The following IQCH variants were observed in gnomAD, a reference collection of about 807,000 sequenced individuals.
IQCH encodes IQ domain-containing protein H.
IQCH carries 98 observed loss-of-function variants against 117.0 expected under a neutral mutation model. The observed-to-expected ratio is 0.84, with a 90% CI of 0.71 to 0.99. The LOEUF (loss-of-function observed/expected upper bound fraction) is 0.99. IQCH is among the 50% of genes least tolerant of loss of function. The probability of loss-of-function intolerance (pLI) is 0.00; values close to 1 mark genes in which losing one functional copy is unlikely to be tolerated. For synonymous variants in IQCH, 412 were observed against 448.2 expected (o/e 0.92, Z 1.02); for missense variants, 1,102 against 1,243.8 (o/e 0.89, Z 1.72).
chr15:67,478,652 A>G (rs1016825827), intron 18 of IQCH, among the ~76,000 whole-genome samples: 3 of 152,094 alleles, frequency 2.0e-5, no homozygotes, highest in African/African-American at 4.8e-5. Flanking sequence ...TAGGCTGGGC[A>G]CGGTGGCTCA....
At position 67,305,295 on chromosome 15, in the gene IQCH, A is replaced by G. The variant is rs1168956211; in HGVS notation, c.387+25783A>G. 2.0e-5 allele frequency among the ~76,000 whole-genome samples: 3 copies of G among 152,212 alleles called. No homozygotes were observed. In the East Asian group the frequency reaches 5.8e-4, roughly 29 times the overall value. Reference sequence around the variant, plus strand: ...AACTAGCATAATAGTCTCTTAGGTTAATCTTCCAAATTTCCTACACAGACA... The same window carrying G: ...AACTAGCATAATAGTCTCTTAGGTTGATCTTCCAAATTTCCTACACAGACA... On this transcript the variant is annotated intron_variant, in intron 4 of 20. Coordinates refer to ENST00000335894, the MANE Select transcript of IQCH (RefSeq NM_001031715.3).
chr15:67,341,141 G>T (rs1261855294), intron 5 of IQCH, among the ~76,000 whole-genome samples: 2 of 152,228 alleles, frequency 1.3e-5, no homozygotes, highest in African/African-American at 4.8e-5. Context: ...GAGCCCTAGA[G>T]GCGGAGGTTG....
At position 67,478,684 on chromosome 15, in the gene IQCH, G is replaced by A. The variant is rs752511171; in HGVS notation, c.2799+2866G>A. Among the ~76,000 whole-genome samples the A allele has an allele frequency of 1.0e-3, 152 of 152,260 alleles. 1 individual carries two copies. The highest frequency in any genetic ancestry group is 3.4e-3 in the Middle Eastern group (1 of 294). On this transcript the variant is annotated intron_variant, in intron 18 of 20. Transcript: ENST00000335894. The stretch of plus-strand genomic sequence containing the variant: ...CTCATGCCTGTAATCCCAGCACTTT[G>A]GGAGGCCAGGGCGGGCAGATCACGA...
rs560953267 is a variant in IQCH at position 67,369,592 on chromosome 15, GAAA to G, written c.754-2516_754-2514del. 3.3e-5 allele frequency among the ~76,000 whole-genome samples: 5 copies of G among 151,890 alleles called. No homozygotes were observed. Among genetic ancestry groups the G allele is most frequent in the African/African-American group, 7.2e-5 (3 of 41,418 alleles). ...AGGGAGGAAAGAAGGCAGAGGAAAA[GAAA>G]AAGAAGGAAAGAAAGAAGAAAGAAA... On this transcript the variant is annotated intron_variant, in intron 8 of 20. Coordinates refer to ENST00000335894, the MANE Select transcript of IQCH (RefSeq NM_001031715.3). The surrounding 1 kb of genome is among the most constrained non-coding windows in gnomAD (Gnocchi z 5.2).
At chr15:67,315,683 T>G (rs577935569) in intron 4 of IQCH, among the ~76,000 whole-genome samples, 24 of 152,282 alleles carry the variant, frequency 1.6e-4, no homozygotes, top group African/African-American at 5.5e-4. Context: ...ACTACTTTCC[T>G]GCTATGAAAT....
chr15:67,282,519 G>A (rs1041857148), intron 4 of IQCH, among the ~76,000 whole-genome samples: 5 of 152,102 alleles, frequency 3.3e-5, no homozygotes, highest in African/African-American at 1.2e-4. Flanking sequence ...TGCCTCCAGA[G>A]CCTGGATTAC....
At chr15:67,278,444 C>G (rs1202482898) in intron 3 of IQCH, among the ~76,000 whole-genome samples, 1 of 152,198 alleles carries the variant, frequency 6.6e-6, no homozygotes, top group Non-Finnish European at 1.5e-5. Context: ...AGAGCTGAAG[C>G]GTTCTTGTCA....
At position 67,387,036 on chromosome 15, in the gene IQCH, T is replaced by C. The variant is rs1971130410; in HGVS notation, c.1457-1795T>C. Among the ~76,000 whole-genome samples, 1 of 152,196 alleles carries C rather than the reference T, an allele frequency of 6.6e-6. No individual in the cohort carries two copies. The highest frequency in any genetic ancestry group is 1.9e-4 in the East Asian group (1 of 5,196). ...TTTTTGTTGTTTTTCTGCCCTATTCTTTCATACTTAAAAAAAACTCATTAG... is the reference window on the plus strand; with the variant it reads ...TTTTTGTTGTTTTTCTGCCCTATTCCTTCATACTTAAAAAAAACTCATTAG... On this transcript the variant is annotated intron_variant, in intron 11 of 20. Coordinates refer to ENST00000335894, the MANE Select transcript of IQCH (RefSeq NM_001031715.3). The surrounding 1 kb of genome is among the most constrained non-coding windows in gnomAD (Gnocchi z 4.8).
chr15:67,308,439 G>A (rs1967416965), intron 4 of IQCH, among the ~76,000 whole-genome samples: 2 of 152,084 alleles, frequency 1.3e-5, no homozygotes, highest in African/African-American at 2.4e-5. Context: ...GGAGCATTTG[G>A]TAAATTAAAT....
rs1026341593 is a variant in IQCH at position 67,391,611 on chromosome 15, T to A, written c.1632+2605T>A. ...CAAAAAAAAAATCAGTGGTGATAAA[T>A]TAAATGTAGCCATAATTCAATGGAA... is the stretch of plus-strand genomic sequence containing the variant. On this transcript the variant is annotated intron_variant, in intron 12 of 20. Coordinates refer to ENST00000335894, the MANE Select transcript of IQCH (RefSeq NM_001031715.3). The surrounding 1 kb of genome is among the most constrained non-coding windows in gnomAD (Gnocchi z 4.3). Among the ~76,000 whole-genome samples the A allele has an allele frequency of 6.6e-6, 1 of 152,178 alleles. No homozygotes were observed. The highest frequency in any genetic ancestry group is 2.4e-5 in the African/African-American group (1 of 41,464).
intron 4 of IQCH, among the ~76,000 whole-genome samples, chr15:67,314,891 G>T (rs1967774578): frequency 6.6e-6 from 1 of 152,176 alleles, no homozygotes; most frequent in South Asian, 2.1e-4. Context: ...TTCCTGTCTT[G>T]CAAGTCAACA....
At chr15:67,275,815 G>A (rs1371755076) in intron 3 of IQCH, among the ~76,000 whole-genome samples, 1 of 152,204 alleles carries the variant, frequency 6.6e-6, no homozygotes, top group Non-Finnish European at 1.5e-5. Context: ...AGGATATTGA[G>A]GCTGCAGTGA....
At position 67,342,856 on chromosome 15, in the gene IQCH, A is replaced by G. The variant is rs1203198841; in HGVS notation, c.509-1207A>G. On this transcript the variant is annotated intron_variant, in intron 5 of 20. Transcript: ENST00000335894. This position sits in a 1 kb window ranked among gnomAD's most constrained non-coding sequence, Gnocchi z 4.7. ...TTCTCTAACTTCAGCGCACATGAATATCTCCTGGAGCCTTCAATAATGCAG... is the reference window on the plus strand; with the variant it reads ...TTCTCTAACTTCAGCGCACATGAATGTCTCCTGGAGCCTTCAATAATGCAG... 6.6e-6 allele frequency among the ~76,000 whole-genome samples: 1 copy of G among 152,132 alleles called. No homozygotes were observed. The highest frequency in any genetic ancestry group is 1.9e-4 in the East Asian group (1 of 5,192).
At chr15:67,330,053 CATCTTGTG>C (rs1968596231) in intron 4 of IQCH, among the ~76,000 whole-genome samples, 1 of 147,144 alleles carries the variant, frequency 6.8e-6, no homozygotes, top group East Asian at 2.3e-4. Context: ...CCTGGACAGG[CATCTTGTG>C]ATCTCCGGTG....
intron 10 of IQCH, among the ~76,000 whole-genome samples, chr15:67,377,563 T>G (rs917794739): frequency 6.6e-6 from 1 of 152,206 alleles, no homozygotes; most frequent in Non-Finnish European, 1.5e-5. Context: ...TCCTCCACTT[T>G]TAATTTAACC....
chr15:67,436,294 C>T lies in IQCH; in HGVS notation c.2505+14717C>T, dbSNP rs1004883001. Among the ~76,000 whole-genome samples, 4 of 152,166 alleles carry T rather than the reference C, an allele frequency of 2.6e-5. No individual in the cohort carries two copies. Among genetic ancestry groups the T allele is most frequent in the African/African-American group, 9.7e-5 (4 of 41,434 alleles). On this transcript the variant is annotated intron_variant, in intron 16 of 20. Transcript: ENST00000335894. This position sits in a 1 kb window ranked among gnomAD's most constrained non-coding sequence, Gnocchi z 5.1. ...AGACCCTCCTCTCTCAAACACACAC[C>T]CCCGCACTGGAGAAGCTGAAGGTCT...
Position 67,405,003 on chromosome 15 carries a change from C to T in IQCH, c.2097+4698C>T, listed in dbSNP as rs1347539779. On this transcript the variant is annotated intron_variant, in intron 14 of 20. Coordinates refer to ENST00000335894, the MANE Select transcript of IQCH (RefSeq NM_001031715.3). This position sits in a 1 kb window ranked among gnomAD's most constrained non-coding sequence, Gnocchi z 4.8. ...AATAAGAATACTAGTTTTACCACAA[C>T]CTTACCACCAATGGATATTATGAAC... 6.6e-6 allele frequency: 1 copy of T among 152,166 alleles called. No homozygotes were observed. Among genetic ancestry groups the T allele is most frequent in the Non-Finnish European group, 1.5e-5 (1 of 68,034 alleles). The allele number at this position is 152,166 out of a possible 1,614,324, so 9.4% of individuals were successfully genotyped here.
intron 4 of IQCH, among the ~76,000 whole-genome samples, chr15:67,321,056 T>C (rs1323120686): frequency 6.6e-6 from 1 of 152,198 alleles, no homozygotes; most frequent in Non-Finnish European, 1.5e-5. Context: ...AAATTTTGCT[T>C]AAGTGCTGGA....
intron 4 of IQCH, chr15:67,281,622 C>T (rs1262678633): frequency 2.2e-6 from 1 of 451,314 alleles, no homozygotes; most frequent in African/African-American, 2.0e-5. Flanking sequence ...CAATCTCTCC[C>T]AGATCCAGGA....
Sources: gnomAD v4.1 joint callset for allele counts (sites outside exome capture counted in the v4.1 genomes callset) on GRCh38, gnomAD v4.1.1 for gene constraint, Gnocchi (gnomAD v3.1) non-coding constraint, MANE v1.5 for transcripts, NCBI Gene and HGNC (gene_info 2026-07-23, HGNC 2026-07-21) for gene names.